The following INSYN2B variants were observed in gnomAD, a reference collection of about 807,000 sequenced individuals.
INSYN2B encodes inhibitory synaptic factor family member 2B, also known as protein INSYN2B.
A neutral mutation model predicts 41.2 loss-of-function variants in INSYN2B; 16 were observed. That is an observed-to-expected ratio of 0.39 (90% CI 0.26 to 0.59). INSYN2B has a LOEUF of 0.59. INSYN2B is among the 20% of genes least tolerant of loss of function. INSYN2B has a pLI of 0.57. For synonymous variants in INSYN2B, 245 were observed against 244.4 expected (o/e 1.00, Z -0.02); for missense variants, 608 against 646.4 (o/e 0.94, Z 0.64).
intron 1 of INSYN2B, among the ~76,000 whole-genome samples, chr5:169,972,538 G>GAGAC (rs1312908234): frequency 2.9e-4 from 38 of 129,396 alleles, no homozygotes; most frequent in African/African-American, 9.7e-4. Context: ...GAGCCACTGT[G>GAGAC]AGACAGATAG....
intron 1 of INSYN2B, among the ~76,000 whole-genome samples, chr5:169,897,469 G>A (rs1014883101): frequency 1.3e-5 from 2 of 152,092 alleles, no homozygotes; most frequent in African/African-American, 4.8e-5. Flanking sequence ...GATTACAAGT[G>A]TGAGCCACCG....
intron 1 of INSYN2B, among the ~76,000 whole-genome samples, chr5:169,970,248 T>G (rs1777451529): frequency 6.6e-6 from 1 of 152,248 alleles, no homozygotes; most frequent in African/African-American, 2.4e-5. Flanking sequence ...AATAGGGACA[T>G]GCATTCCATC....
At chr5:169,965,418 T>C (rs1009358074) in intron 1 of INSYN2B, among the ~76,000 whole-genome samples, 22 of 152,342 alleles carry the variant, frequency 1.4e-4, no homozygotes, top group Non-Finnish European at 2.6e-4. Context: ...CATTATGGGA[T>C]GAGCTTAGAA....
intron 1 of INSYN2B, among the ~76,000 whole-genome samples, chr5:169,964,419 G>A (rs763751701): frequency 1.3e-5 from 2 of 152,222 alleles, no homozygotes; most frequent in Admixed American, 6.5e-5. Context: ...CAAGTAAAAT[G>A]TTCAAGCAGC....
chr5:169,897,253 C>T (rs555746617), intron 1 of INSYN2B, among the ~76,000 whole-genome samples: 23 of 152,066 alleles, frequency 1.5e-4, no homozygotes, highest in South Asian at 6.2e-4. Context: ...GGCATGATCT[C>T]GGCTCACTGC....
Position 169,883,908 on chromosome 5 carries a change from G to A in INSYN2B, c.-10C>T. On this transcript the variant is annotated 5_prime_UTR_variant, in exon 2 of 4. Coordinates refer to ENST00000377365, the MANE Select transcript of INSYN2B (RefSeq NM_001129891.3). ...TATTTTGCTGGGCCATTGAGCCTCA[G>A]TGGGAAGGATCAGGACCATACACTT... The A allele has an allele frequency of 2.0e-6, 3 of 1,494,126 alleles. No individual in the cohort carries two copies. In the East Asian group the frequency reaches 7.4e-5, roughly 37 times the overall value. The allele number at this position is 1,494,126 out of a possible 1,614,324, so 92.6% of individuals were successfully genotyped here.
chr5:169,882,224 A>C (rs921664795), intron 2 of INSYN2B, among the ~76,000 whole-genome samples: 2 of 152,190 alleles, frequency 1.3e-5, no homozygotes, highest in African/African-American at 4.8e-5. Flanking sequence ...CCTTCCTGCT[A>C]TCATTTTCCC....
chr5:169,923,650 A>G (rs1775294062), intron 1 of INSYN2B, among the ~76,000 whole-genome samples: 1 of 152,252 alleles, frequency 6.6e-6, no homozygotes, highest in Non-Finnish European at 1.5e-5. Context: ...AAGAAGGATA[A>G]TATTGCTTCA....
At chr5:169,969,935 T>C (rs1411465289) in intron 1 of INSYN2B, among the ~76,000 whole-genome samples, 1 of 152,270 alleles carries the variant, frequency 6.6e-6, no homozygotes, top group Non-Finnish European at 1.5e-5. Flanking sequence ...CTTCTGGTTT[T>C]TAATTGTTGA....
rs554167886 is a variant in INSYN2B, at chr5:169,978,848, C to T, written c.-919+1429G>A. Among the ~76,000 whole-genome samples the T allele has an allele frequency of 4.6e-5, 7 of 152,306 alleles. No individual in the cohort carries two copies. The East Asian group carries it at 1.2e-3, about 25-fold the overall frequency. On this transcript the variant is annotated intron_variant, in intron 1 of 3. Transcript: ENST00000377365. ...ATTGCACTTATTTTTACACGTTTGA[C>T]CTAGTTTCAAACCGTGTCTCTTCAT...
intron 3 of INSYN2B, among the ~76,000 whole-genome samples, chr5:169,870,747 C>T (rs1208062640): frequency 1.3e-5 from 2 of 152,118 alleles, no homozygotes; most frequent in South Asian, 2.1e-4. Flanking sequence ...ATTTTATCCT[C>T]ATGATAGCCC....
In INSYN2B at chr5:169,862,435, T is replaced by G; in HGVS notation, c.*1838A>C. Among the ~76,000 whole-genome samples, 1 of 152,228 alleles carries G rather than the reference T, an allele frequency of 6.6e-6. No individual in the cohort carries two copies. Among genetic ancestry groups the G allele is most frequent in the Non-Finnish European group, 1.5e-5 (1 of 68,046 alleles). On this transcript the variant is annotated 3_prime_UTR_variant, in exon 4 of 4. Transcript: ENST00000377365. ...ATAAGAGGTCCCAAATGATTTCACT[T>G]TATTGGATTATCCTCTATTCTGTTC...
intron 1 of INSYN2B, among the ~76,000 whole-genome samples, chr5:169,922,507 A>G (rs1238636247): frequency 3.9e-5 from 6 of 152,236 alleles, no homozygotes; most frequent in Non-Finnish European, 5.9e-5. Context: ...TTATCTAAGT[A>G]AAGTAGATCT....
intron 1 of INSYN2B, among the ~76,000 whole-genome samples, chr5:169,911,530 C>G (rs952961691): frequency 2.6e-5 from 4 of 152,120 alleles, no homozygotes; most frequent in Admixed American, 2.0e-4. Flanking sequence ...GGTGAGAGTT[C>G]CTGAGACAGT....
In INSYN2B at chr5:169,881,406, A is replaced by G. The variant is rs1238706353; in HGVS notation, c.1383T>C (p.Asn461=). Residue 461 remains asparagine (N), a synonymous_variant, in exon 3 of 4, where the codon AAT becomes AAC. Coordinates refer to ENST00000377365, the MANE Select transcript of INSYN2B (RefSeq NM_001129891.3). ...NFYRTGQDLN[N]CSTCQNTACI... ...ACGCCGTGTTCTGGCAGGTACTGCA[A>G]TTGTTGAGATCTTGGCCAGTTCGAT... is the stretch of plus-strand genomic sequence containing the variant. 2 of 1,551,500 alleles carry G rather than the reference A, an allele frequency of 1.3e-6. No homozygotes were observed. Among genetic ancestry groups the G allele is most frequent in the Admixed American group, 2.0e-5 (1 of 50,998 alleles).
chr5:169,914,522 G>A (rs1208086483), intron 1 of INSYN2B, among the ~76,000 whole-genome samples: 2 of 152,172 alleles, frequency 1.3e-5, no homozygotes, highest in Non-Finnish European at 2.9e-5. Context: ...AAAGACCAAG[G>A]CTAAATCAGA....
At chr5:169,917,005 A>G (rs1409896972) in intron 1 of INSYN2B, among the ~76,000 whole-genome samples, 3 of 152,224 alleles carry the variant, frequency 2.0e-5, no homozygotes, top group African/African-American at 4.8e-5. Flanking sequence ...CATTGCAAAT[A>G]TGGTGGATCT....
chr5:169,970,553 C>T (rs1777465899), intron 1 of INSYN2B, among the ~76,000 whole-genome samples: 2 of 152,174 alleles, frequency 1.3e-5, no homozygotes, highest in South Asian at 2.1e-4. Flanking sequence ...GGGGAAACCA[C>T]CCAACCTCTC....
chr5:169,870,278 TCCAG>T (rs2113453614), intron 3 of INSYN2B, among the ~76,000 whole-genome samples: 1 of 152,302 alleles, frequency 6.6e-6, no homozygotes, highest in South Asian at 2.1e-4. Flanking sequence ...AGATCAGTGC[TCCAG>T]CCATCATGCT....
Sources: gnomAD v4.1 joint callset for allele counts (sites outside exome capture counted in the v4.1 genomes callset) on GRCh38, gnomAD v4.1.1 for gene constraint, MANE v1.5 for transcripts, NCBI Gene and HGNC (gene_info 2026-07-23, HGNC 2026-07-21) for gene names.